HEATR5A: variants seen among roughly 807,000 people sequenced by gnomAD.
HEATR5A encodes the protein HEAT repeat-containing protein 5A.
HEATR5A carries 178 observed loss-of-function variants against 218.8 expected under a neutral mutation model. The observed-to-expected ratio is 0.81, with a 90% CI of 0.72 to 0.92. HEATR5A has a LOEUF of 0.92. Among genes scored for constraint, HEATR5A ranks in the 40% least tolerant of loss-of-function variants. The pLI is 0.00. For missense variants in HEATR5A, 2,420 were observed against 2,418.9 expected (o/e 1.00, Z -0.01); for synonymous variants, 864 against 871.6 (o/e 0.99, Z 0.15).
In HEATR5A at chr14:31,384,419, G is replaced by A. The variant is rs572624707; in HGVS notation, c.1346-648C>T. The stretch of plus-strand genomic sequence containing the variant: ...AGATTGTGCCACTGTACTCCAACGT[G>A]GGTGACAGACTGAGACCCTGCCTTG... On this transcript the variant is annotated intron_variant, in intron 9 of 35. Coordinates refer to ENST00000543095, the MANE Select transcript of HEATR5A (RefSeq NM_015473.4). Among the ~76,000 whole-genome samples the A allele has an allele frequency of 3.3e-5, 5 of 151,028 alleles. No individual in the cohort carries two copies. In the East Asian group the frequency reaches 9.7e-4, roughly 29 times the overall value.
chr14:31,400,626 A>C, intron 2 of HEATR5A, 114 bp from the exon 3 acceptor site: 1 of 700,058 alleles, frequency 1.4e-6, no homozygotes, highest in South Asian at 2.4e-5. Context: ...GAAAAATACA[A>C]ACTTACTTTG....
chr14:31,296,273 A>T (rs1213946752), intron 33 of HEATR5A: 4 of 450,108 alleles, frequency 8.9e-6, no homozygotes, highest in African/African-American at 8.0e-5. Flanking sequence ...TAATCTTTAA[A>T]GGTTAAGACA....
intron 31 of HEATR5A, 72 bp from the exon 32 acceptor site, chr14:31,305,249 T>A (rs2139136635): frequency 6.8e-7 from 1 of 1,473,534 alleles, no homozygotes; most frequent in Non-Finnish European, 9.2e-7. Flanking sequence ...AGTTAAATCC[T>A]GTTACAGGAA....
chr14:31,398,304 G>C (rs1406763312), intron 4 of HEATR5A, among the ~76,000 whole-genome samples: 1 of 152,088 alleles, frequency 6.6e-6, no homozygotes, highest in East Asian at 1.9e-4. Context: ...TATCCATAAG[G>C]TATACAATGT....
At chr14:31,353,943 G>A (rs549154731) in intron 16 of HEATR5A, among the ~76,000 whole-genome samples, 3 of 151,914 alleles carry the variant, frequency 2.0e-5, no homozygotes, top group African/African-American at 4.8e-5. Flanking sequence ...GGGACTACAG[G>A]CGCCCACACT....
At chr14:31,326,689 C>A (rs1900277738) in intron 22 of HEATR5A, among the ~76,000 whole-genome samples, 1 of 152,120 alleles carries the variant, frequency 6.6e-6, no homozygotes, top group South Asian at 2.1e-4. Context: ...GTTGCCCAGG[C>A]TAGAGTGCAA....
chr14:31,405,143 A>G (rs10782377), intron 1 of HEATR5A, among the ~76,000 whole-genome samples: 140,347 of 151,370 alleles, frequency 0.93, 65,650 homozygotes, highest in Non-Finnish European at 1. Context: ...CAAAGAATAT[A>G]AACGATGTGA....
intron 26 of HEATR5A, 99 bp downstream of exon 26, chr14:31,318,125 C>T (rs138503512): frequency 2.1e-5 from 20 of 960,158 alleles, no homozygotes; most frequent in East Asian, 9.6e-5. Context: ...CTATGATTGA[C>T]GGTAAGACAA....
chr14:31,299,166 G>C (rs537300265), intron 33 of HEATR5A, among the ~76,000 whole-genome samples: 1 of 152,240 alleles, frequency 6.6e-6, no homozygotes, highest in Admixed American at 6.5e-5. Context: ...CTCTAGCCCA[G>C]ACTACTTTTG....
intron 35 of HEATR5A, 63 bp downstream of exon 35, chr14:31,293,828 T>G: frequency 7.3e-7 from 1 of 1,367,342 alleles, no homozygotes. Context: ...GTTTTGCAAT[T>G]TAAATAACAG....
chr14:31,332,057 T>A (rs1900490872), intron 22 of HEATR5A, among the ~76,000 whole-genome samples: 1 of 152,184 alleles, frequency 6.6e-6, no homozygotes, highest in African/African-American at 2.4e-5. Flanking sequence ...TTTAAGATGA[T>A]TTGGCAAAAG....
chr14:31,332,895 A>T (rs1267054739), intron 22 of HEATR5A, among the ~76,000 whole-genome samples: 1 of 152,000 alleles, frequency 6.6e-6, no homozygotes, highest in African/African-American at 2.4e-5. Context: ...CTGAGGCAGA[A>T]GACTCGCTTG....
In HEATR5A at chr14:31,317,724, TGA is replaced by T. The variant is rs139700057; in HGVS notation, c.4038+498_4038+499del. Among the ~76,000 whole-genome samples the T allele has an allele frequency of 7.0e-3, 1,063 of 152,346 alleles. 5 individuals are homozygous for T. Among genetic ancestry groups the T allele is most frequent in the South Asian group, 0.032 (154 of 4,830 alleles). ...CTTGAAATACAAATCTAAACTATCC[TGA>T]GACAGACTTTTTATTGTATCGTATA... On this transcript the variant is annotated intron_variant, in intron 26 of 35. Transcript: ENST00000543095.
chr14:31,327,039 A>G (rs1374460923), intron 22 of HEATR5A, among the ~76,000 whole-genome samples: 3 of 151,618 alleles, frequency 2.0e-5, no homozygotes, highest in African/African-American at 7.3e-5. Context: ...AAGTGGTGCA[A>G]TCTCGGCTCA....
chr14:31,411,198 A>G (rs1391508232), intron 1 of HEATR5A, among the ~76,000 whole-genome samples: 2 of 152,202 alleles, frequency 1.3e-5, no homozygotes, highest in African/African-American at 4.8e-5. Flanking sequence ...CCATTTGACA[A>G]AAACATCCAG....
intron 5 of HEATR5A, among the ~76,000 whole-genome samples, chr14:31,394,972 A>G (rs2030600406): frequency 6.6e-6 from 1 of 152,216 alleles, no homozygotes; most frequent in African/African-American, 2.4e-5. Context: ...TAGAATGAAT[A>G]CTTAAGATTC....
At chr14:31,381,309 G>A (rs2029972056) in intron 10 of HEATR5A, among the ~76,000 whole-genome samples, 1 of 151,844 alleles carries the variant, frequency 6.6e-6, no homozygotes, top group Non-Finnish European at 1.5e-5. Flanking sequence ...AGTCTTCCAA[G>A]AGGTAGTATA....
At chr14:31,320,241 TGAA>T (rs1299064114) in intron 25 of HEATR5A, 3 of 679,054 alleles carry the variant, frequency 4.4e-6, no homozygotes, top group Admixed American at 1.8e-5. Flanking sequence ...GCGAACAGGA[TGAA>T]GAAGGAGATC....
Position 31,392,452 on chromosome 14 carries a change from C to T in HEATR5A, c.772+1600G>A, listed in dbSNP as rs117633178. 3.0e-4 allele frequency among the ~76,000 whole-genome samples: 46 copies of T among 152,224 alleles called. No homozygotes were observed. The East Asian group carries it at 7.7e-3, about 26-fold the overall frequency. Reference sequence around the variant, plus strand: ...CCAAGAGAAAACTCATGACCTAGTACCTGGTCTGCTCTTCTCTATGTATAC... The same window carrying T: ...CCAAGAGAAAACTCATGACCTAGTATCTGGTCTGCTCTTCTCTATGTATAC... On this transcript the variant is annotated intron_variant, in intron 6 of 35. Coordinates refer to ENST00000543095, the MANE Select transcript of HEATR5A (RefSeq NM_015473.4).
Sources: gnomAD v4.1 joint callset for allele counts (sites outside exome capture counted in the v4.1 genomes callset) on GRCh38, gnomAD v4.1.1 for gene constraint, MANE v1.5 for transcripts, NCBI Gene and HGNC (gene_info 2026-07-23, HGNC 2026-07-21) for gene names.